The following PAM variants were observed in gnomAD, a reference collection of about 807,000 sequenced individuals.
The protein encoded by PAM is peptidyl-glycine alpha-amidating monooxygenase.
A neutral mutation model predicts 122.1 loss-of-function variants in PAM; 72 were observed. The observed-to-expected ratio is 0.59, with a 90% confidence interval of 0.49 to 0.72. The LOEUF is 0.72. PAM is among the 30% of genes least tolerant of loss of function. PAM has a pLI of 0.00. For synonymous variants in PAM, 389 were observed against 404.4 expected, an observed-to-expected ratio of 0.96 and a Z score of 0.46; for missense variants, 1,106 against 1,183.7, an observed-to-expected ratio of 0.93 and a Z score of 0.96.
At chr5:102,931,245 A>G (rs1217168917) in intron 7 of PAM, among the ~76,000 whole-genome samples, 1 of 152,182 alleles carries the variant, frequency 6.6e-6, no homozygotes, top group Non-Finnish European at 1.5e-5. Flanking sequence ...TTAGACACAG[A>G]ACTGTTTTGA....
At chr5:102,893,608 A>T (rs571794837) in intron 3 of PAM, among the ~76,000 whole-genome samples, 1 of 151,890 alleles carries the variant, frequency 6.6e-6, no homozygotes, top group Admixed American at 6.6e-5. Flanking sequence ...TTCATGTGAA[A>T]AGTATCTGCT....
chr5:102,872,236 A>G (rs1328763690), intron 3 of PAM, among the ~76,000 whole-genome samples: 1 of 152,230 alleles, frequency 6.6e-6, no homozygotes, highest in African/African-American at 2.4e-5. Flanking sequence ...ATCTAAGCAC[A>G]TATATCTATT....
At chr5:102,886,217 A>C (rs1249172166) in intron 3 of PAM, among the ~76,000 whole-genome samples, 1 of 152,072 alleles carries the variant, frequency 6.6e-6, no homozygotes, top group Non-Finnish European at 1.5e-5. Context: ...ATGAAGGATA[A>C]CATTAATTAA....
chr5:102,916,452 T>C (rs1442793206), intron 5 of PAM, among the ~76,000 whole-genome samples: 6 of 151,938 alleles, frequency 3.9e-5, no homozygotes, highest in Non-Finnish European at 8.8e-5. Context: ...CTTGTTATGA[T>C]TGAATTTATA....
At chr5:103,007,260 T>G (rs1487084737) in intron 19 of PAM, among the ~76,000 whole-genome samples, 197 bp from the exon 20 acceptor site, 1 of 150,966 alleles carries the variant, frequency 6.6e-6, no homozygotes, top group Non-Finnish European at 1.5e-5. Flanking sequence ...CAAACAACTA[T>G]CCAAATAGGG....
chr5:102,890,527 C>T (rs537104335), intron 3 of PAM, among the ~76,000 whole-genome samples: 47 of 151,986 alleles, frequency 3.1e-4, no homozygotes, highest in Admixed American at 1.2e-3. Context: ...TTGCTTACAT[C>T]ATTTTTGTTC....
chr5:103,025,020 G>T lies in PAM; in HGVS notation c.2486-111G>T, dbSNP rs188782370. ...TAAAACATGAAACCCCTGTACACTG[G>T]AGTCAACAAGTTCTTTGTGAACAGT... On this transcript the variant is annotated intron_variant, in intron 23 of 25. Transcript: ENST00000438793. 81 of 710,444 alleles carry T rather than the reference G, an allele frequency of 1.1e-4. No homozygotes were observed. In the East Asian group the frequency reaches 1.9e-3, roughly 17 times the overall value. The allele number at this position is 710,444 out of a possible 1,614,324, so 44.0% of individuals were successfully genotyped here.
chr5:102,937,318 A>G (rs6871111), intron 7 of PAM, among the ~76,000 whole-genome samples: 6,618 of 152,194 alleles, frequency 0.043, 320 homozygotes, highest in East Asian at 0.18. Flanking sequence ...TTAAAGTGGA[A>G]TATATGTGTT....
At chr5:102,832,176 A>G (rs1775668308) in intron 1 of PAM, among the ~76,000 whole-genome samples, 2 of 152,154 alleles carry the variant, frequency 1.3e-5, no homozygotes, top group Admixed American at 1.3e-4. Flanking sequence ...TAGCAGTGTC[A>G]ATTATTTGGG....
intron 15 of PAM, chr5:102,987,647 A>G (rs1036601971): frequency 1.1e-5 from 4 of 379,064 alleles, no homozygotes; most frequent in Non-Finnish European, 2.1e-5. Context: ...AATATGTACA[A>G]TTATTTCGTA....
At chr5:102,810,029 A>G (rs894250030) in intron 1 of PAM, among the ~76,000 whole-genome samples, 5 of 152,222 alleles carry the variant, frequency 3.3e-5, no homozygotes, top group African/African-American at 9.6e-5. Flanking sequence ...AACTGTTTCT[A>G]TACTGTTTAA....
At chr5:102,801,442 A>G (rs1289784493) in intron 1 of PAM, among the ~76,000 whole-genome samples, 2 of 152,224 alleles carry the variant, frequency 1.3e-5, no homozygotes, top group Admixed American at 6.5e-5. Flanking sequence ...TCATTTGGGA[A>G]CTGCCAGTAA....
chr5:102,800,838 C>T (rs772840180), intron 1 of PAM, among the ~76,000 whole-genome samples: 7 of 151,998 alleles, frequency 4.6e-5, no homozygotes, highest in Non-Finnish European at 8.8e-5. Flanking sequence ...AGACTTAGTG[C>T]CCAAGATATG....
At chr5:102,771,006 G>T (rs1294407409) in intron 1 of PAM, among the ~76,000 whole-genome samples, 2 of 151,900 alleles carry the variant, frequency 1.3e-5, no homozygotes, top group East Asian at 1.9e-4. Flanking sequence ...CCCTGAAGGG[G>T]TTTATATTTG....
chr5:102,843,000 C>T (rs1183848132), intron 1 of PAM, among the ~76,000 whole-genome samples: 3 of 152,272 alleles, frequency 2.0e-5, no homozygotes, highest in Admixed American at 6.5e-5. Context: ...GAAGCAAGGT[C>T]CTAACATGGC....
At position 102,835,055 on chromosome 5, in the gene PAM, GA is replaced by G. The variant is rs1776594521; in HGVS notation, c.-373-30766del. On this transcript the variant is annotated intron_variant, in intron 1 of 25. Transcript: ENST00000438793. Reference sequence around the variant, plus strand: ...TGTGGTTCAAATCTTACATGGAAGGGAAGGAAAAGTCAATTACATGTTTCAC... The same window carrying G: ...TGTGGTTCAAATCTTACATGGAAGGGAGGAAAAGTCAATTACATGTTTCAC... Among the ~76,000 whole-genome samples the G allele has an allele frequency of 2.0e-5, 3 of 152,178 alleles. No homozygotes were observed. In the South Asian group the frequency reaches 6.2e-4, roughly 32 times the overall value.
chr5:103,007,454 CAG>C lies in PAM; in HGVS notation c.2015_2016del. 1 of 1,612,172 alleles carries C rather than the reference CAG, an allele frequency of 6.2e-7. No homozygotes were observed. The highest frequency in any genetic ancestry group is 8.5e-7 in the Non-Finnish European group (1 of 1,179,172). On this transcript the variant is annotated splice_acceptor_variant, in intron 19 of 25. Coordinates refer to ENST00000438793, the MANE Select transcript of PAM (RefSeq NM_001177306.2). LOFTEE classifies it high-confidence loss of function. ...GTATCTAAGGCTTTTTTTTGTTCTG[CAG>C]AGTCTTCAGGGAGCAGTCCTCTGCC...
At chr5:102,985,231 T>C (rs574713153) in intron 15 of PAM, among the ~76,000 whole-genome samples, 2 of 150,846 alleles carry the variant, frequency 1.3e-5, no homozygotes, top group South Asian at 4.2e-4. Context: ...AGAGCAGAAC[T>C]AAATGAAATA....
chr5:102,784,421 A>G (rs546127658), intron 1 of PAM, among the ~76,000 whole-genome samples: 1 of 152,220 alleles, frequency 6.6e-6, no homozygotes, highest in Admixed American at 6.5e-5. Flanking sequence ...AGCTTGGAAA[A>G]ATTTAGGTAT....
Sources: gnomAD v4.1 joint callset for allele counts (sites outside exome capture counted in the v4.1 genomes callset) on GRCh38, gnomAD v4.1.1 for gene constraint, MANE v1.5 for transcripts, NCBI Gene and HGNC (gene_info 2026-07-23, HGNC 2026-07-21) for gene names.